Variants in RFC3 observed in about 807,000 individuals in gnomAD.
The protein encoded by RFC3 is replication factor C subunit 3.
RFC3 carries 41 observed loss-of-function variants against 45.1 expected under a neutral mutation model. The observed-to-expected ratio is 0.91, with a 90% CI of 0.71 to 1.18. RFC3 has a LOEUF of 1.18. Among genes scored for constraint, RFC3 ranks in the 50% most tolerant of loss-of-function variants. The pLI is 0.00. For synonymous variants in RFC3, 149 were observed against 144.0 expected, an observed-to-expected ratio of 1.03 and a Z score of -0.25; for missense variants, 423 against 428.1, an observed-to-expected ratio of 0.99 and a Z score of 0.10.
At chr13:33,918,567 G>A (rs1290570167) in intron 8 of RFC3, among the ~76,000 whole-genome samples, 1 of 152,162 alleles carries the variant, frequency 6.6e-6, no homozygotes, top group Non-Finnish European at 1.5e-5. Context: ...ACATAGAAAT[G>A]TTGCTGCCTC....
downstream of RFC3, among the ~76,000 whole-genome samples, chr13:33,839,056 A>G (rs2082178429): frequency 6.6e-6 from 1 of 152,182 alleles, no homozygotes; most frequent in South Asian, 2.1e-4. Context: ...AACAGAGTTT[A>G]TACTTAGACA....
At chr13:33,969,579 TA>T (rs2083101786), downstream of RFC3, among the ~76,000 whole-genome samples, 1 of 152,184 alleles carries the variant, frequency 6.6e-6, no homozygotes, top group Non-Finnish European at 1.5e-5. Context: ...CAAGGTCTCT[TA>T]ATACAGCCTA....
At chr13:33,959,967 G>A (rs1446286486) in intron 8 of RFC3, among the ~76,000 whole-genome samples, 1 of 152,126 alleles carries the variant, frequency 6.6e-6, no homozygotes, top group Admixed American at 6.5e-5. Flanking sequence ...GAGCTTGTAG[G>A]TCACATAGTG....
At chr13:33,973,523 A>G in the RFC3 span, among the ~76,000 whole-genome samples, 1 of 152,158 alleles carries the variant, frequency 6.6e-6, no homozygotes, top group African/African-American at 2.4e-5. Context: ...TGTGGGAGAT[A>G]CTGAAAGGAA....
At chr13:33,955,042 C>G (rs754534956) in intron 8 of RFC3, among the ~76,000 whole-genome samples, 1 of 152,204 alleles carries the variant, frequency 6.6e-6, no homozygotes. Flanking sequence ...CTCATGCAGC[C>G]TCTCTACATG....
intron 8 of RFC3, among the ~76,000 whole-genome samples, chr13:33,923,776 T>G (rs146432205): frequency 0.011 from 1,619 of 152,220 alleles, 78 homozygotes; most frequent in Admixed American, 0.079. Context: ...AATCTGAAGG[T>G]GCTTTAATCT....
chr13:33,841,526 A>G (rs748495891), downstream of RFC3, among the ~76,000 whole-genome samples: 2 of 152,074 alleles, frequency 1.3e-5, no homozygotes, highest in Non-Finnish European at 2.9e-5. Flanking sequence ...ATCACTCAAT[A>G]TTTTCTGTAG....
chr13:33,951,453 C>T (rs1323827335), intron 8 of RFC3, among the ~76,000 whole-genome samples: 2 of 151,910 alleles, frequency 1.3e-5, no homozygotes, highest in Non-Finnish European at 2.9e-5. Flanking sequence ...GGATGGTCTC[C>T]ATCTCTGGAC....
chr13:33,938,132 G>C (rs1002219606), intron 8 of RFC3, among the ~76,000 whole-genome samples: 1 of 134,836 alleles, frequency 7.4e-6, no homozygotes, highest in Non-Finnish European at 1.5e-5. Flanking sequence ...GAATATTCTA[G>C]TAGCTAGGAT....
chr13:33,878,266 T>A (rs1462670473), intron 8 of RFC3, among the ~76,000 whole-genome samples: 2 of 152,234 alleles, frequency 1.3e-5, no homozygotes, highest in Non-Finnish European at 2.9e-5. Flanking sequence ...TAAAATAATT[T>A]GAGTGATATC....
chr13:33,912,644 G>T (rs1199566766), intron 8 of RFC3, among the ~76,000 whole-genome samples: 1 of 152,082 alleles, frequency 6.6e-6, no homozygotes. Context: ...AGGTATAGAA[G>T]CCGGATATGA....
rs150321625 is a variant in RFC3 at position 33,940,054 on chromosome 13, G to A, written c.880-26033G>A. ...ACTGATTTTCTGTATTGAATAACTG[G>A]ATTTTATTCCATTAATTTTTATTCC... On this transcript the variant is annotated intron_variant, in intron 8 of 8. Coordinates refer to the RFC3 transcript ENST00000434425. Among the ~76,000 whole-genome samples, 989 of 151,920 alleles carry A rather than the reference G, an allele frequency of 6.5e-3. 10 individuals are homozygous for A. The highest frequency in any genetic ancestry group is 9.9e-3 in the Non-Finnish European group (675 of 67,954).
chr13:33,906,314 T>A (rs1232066876), intron 8 of RFC3, among the ~76,000 whole-genome samples: 1 of 151,746 alleles, frequency 6.6e-6, no homozygotes, highest in African/African-American at 2.4e-5. Context: ...AACCGATTTA[T>A]AAGAAAGTCC....
chr13:33,924,240 T>G (rs1417291257), intron 8 of RFC3, among the ~76,000 whole-genome samples: 1 of 152,072 alleles, frequency 6.6e-6, no homozygotes, highest in African/African-American at 2.4e-5. Context: ...TTTTTTTCAC[T>G]TATTTATTTT....
intron 8 of RFC3, among the ~76,000 whole-genome samples, chr13:33,959,902 C>G (rs1482256088): frequency 1.3e-5 from 2 of 152,212 alleles, no homozygotes; most frequent in African/African-American, 4.8e-5. Flanking sequence ...GCCGGCATCA[C>G]TCAGCTTCTG....
intron 8 of RFC3, among the ~76,000 whole-genome samples, chr13:33,864,680 T>G (rs765146886): frequency 2.0e-5 from 3 of 152,168 alleles, no homozygotes; most frequent in African/African-American, 4.8e-5. Flanking sequence ...GTTTTCAAAC[T>G]ATAGAATTTT....
At chr13:33,884,786 T>C (rs911297342) in intron 8 of RFC3, among the ~76,000 whole-genome samples, 4 of 152,186 alleles carry the variant, frequency 2.6e-5, no homozygotes. Flanking sequence ...GCTCATCTTA[T>C]CTCTTGGCAC....
intron 1 of RFC3, among the ~76,000 whole-genome samples, chr13:33,819,502 TAAGAA>T (rs1311845088): frequency 3.3e-5 from 5 of 152,194 alleles, no homozygotes; most frequent in Non-Finnish European, 7.4e-5. Flanking sequence ...TAAGAAATAA[TAAGAA>T]AAGATTGTAC....
intron 8 of RFC3, among the ~76,000 whole-genome samples, chr13:33,959,083 G>T (rs1238872856): frequency 6.6e-6 from 1 of 152,146 alleles, no homozygotes; most frequent in Non-Finnish European, 1.5e-5. Context: ...TTTCACCCCA[G>T]TTGCTGCTCA....
Sources: allele counts gnomAD v4.1 joint callset (sites outside exome capture counted in the v4.1 genomes callset), GRCh38; gene constraint gnomAD v4.1.1; transcripts MANE v1.5; gene names NCBI Gene and HGNC (gene_info 2026-07-23, HGNC 2026-07-21).